NEGR1: variants seen among roughly 807,000 people sequenced by gnomAD.
The protein encoded by NEGR1 is IgLON family member 4.
Under a neutral mutation model 40.9 loss-of-function variants are expected in NEGR1, and 10 were observed. The ratio of observed to expected loss-of-function variants is 0.24; its 90% confidence interval spans 0.15 to 0.42. The LOEUF is 0.42. NEGR1 is among the 10% of genes least tolerant of loss of function. NEGR1 has a pLI of 1.00. For synonymous variants in NEGR1, 185 were observed against 166.8 expected (o/e 1.11, Z -0.84); for missense variants, 352 against 438.9 (o/e 0.80, Z 1.77).
At chr1:71,916,705 G>A (rs891376812) in intron 2 of NEGR1, among the ~76,000 whole-genome samples, 3 of 152,116 alleles carry the variant, frequency 2.0e-5, no homozygotes, top group African/African-American at 4.8e-5. Flanking sequence ...GAAGTGAGCC[G>A]AGATTGCACC....
At chr1:71,838,825 A>G (rs981483892) in intron 2 of NEGR1, among the ~76,000 whole-genome samples, 3 of 152,178 alleles carry the variant, frequency 2.0e-5, no homozygotes, top group Non-Finnish European at 1.5e-5. Flanking sequence ...CTGGAACTGC[A>G]AAGGCCAGTA....
At chr1:71,740,427 A>G (rs979839967) in intron 3 of NEGR1, among the ~76,000 whole-genome samples, 2 of 152,194 alleles carry the variant, frequency 1.3e-5, no homozygotes, top group Admixed American at 6.5e-5. Context: ...GTAGTAGTGG[A>G]ATTAAATATC....
At chr1:72,026,808 T>G (rs895654396) in intron 1 of NEGR1, among the ~76,000 whole-genome samples, 1 of 152,210 alleles carries the variant, frequency 6.6e-6, no homozygotes, top group African/African-American at 2.4e-5. Context: ...ATACATTATT[T>G]CTACCCTCTC....
rs139041081 is a variant in NEGR1, at chr1:71,993,377, G to A, written c.177-58066C>T. Among the ~76,000 whole-genome samples the A allele has an allele frequency of 6.4e-4, 97 of 152,250 alleles. 1 individual carries two copies. The South Asian group carries it at 0.012, about 19-fold the overall frequency. On this transcript the variant is annotated intron_variant, in intron 1 of 6. Coordinates refer to ENST00000357731, the MANE Select transcript of NEGR1 (RefSeq NM_173808.3). ...CAACTTTTAGCTGGAGTTAGCCACC[G>A]ACTGGCAGTGTAGGTAAGCCATTTA...
At position 71,397,904 on chromosome 1, in the gene NEGR1, G is replaced by C. The variant is rs1186935151; in HGVS notation, c.*9542C>G. 6.6e-6 allele frequency: 1 copy of C among 152,280 alleles called. No homozygotes were observed. Among genetic ancestry groups the C allele is most frequent in the African/African-American group, 2.4e-5 (1 of 41,450 alleles). The allele number at this position is 152,280 out of a possible 1,614,324, so 9.4% of individuals were successfully genotyped here. A position where few individuals can be genotyped will look rare whatever the true frequency, so the allele number is the denominator to read the frequency against. Reference sequence around the variant, plus strand: ...GCCCAGGGTCCCTCTGCTATGTGCAGTCTAGGAACTTGGTGCTCTGCCTCC... The same window carrying C: ...GCCCAGGGTCCCTCTGCTATGTGCACTCTAGGAACTTGGTGCTCTGCCTCC... On this transcript the variant is annotated 3_prime_UTR_variant, in exon 7 of 7. Transcript: ENST00000357731.
chr1:72,134,450 C>T (rs766121138), intron 1 of NEGR1, among the ~76,000 whole-genome samples: 10 of 151,864 alleles, frequency 6.6e-5, no homozygotes, highest in African/African-American at 1.5e-4. Flanking sequence ...ATATTCCACC[C>T]GCCTCGGCCT....
chr1:72,238,234 G>A (rs1253387794), intron 1 of NEGR1, among the ~76,000 whole-genome samples: 1 of 151,772 alleles, frequency 6.6e-6, no homozygotes, highest in Non-Finnish European at 1.5e-5. Context: ...ACTGTGATGA[G>A]TGTTAACAAT....
intron 4 of NEGR1, among the ~76,000 whole-genome samples, chr1:71,683,108 G>A (rs543449493): frequency 2.0e-5 from 3 of 152,140 alleles, no homozygotes; most frequent in African/African-American, 4.8e-5. Flanking sequence ...TGGGTAAGTT[G>A]AGGTTATAGG....
chr1:72,008,921 G>A (rs1570603300), intron 1 of NEGR1, among the ~76,000 whole-genome samples: 1 of 151,114 alleles, frequency 6.6e-6, no homozygotes, highest in African/African-American at 2.4e-5. Context: ...AAGTCAAAAA[G>A]CTTCCATTAA....
intron 3 of NEGR1, among the ~76,000 whole-genome samples, chr1:71,724,732 T>A (rs1416846716): frequency 1.3e-5 from 2 of 152,180 alleles, no homozygotes; most frequent in African/African-American, 4.8e-5. Context: ...GGCACAGTTA[T>A]GTTTACATCT....
intron 6 of NEGR1, among the ~76,000 whole-genome samples, chr1:71,546,178 C>A (rs1473353038): frequency 6.6e-6 from 1 of 151,708 alleles, no homozygotes; most frequent in South Asian, 2.1e-4. Flanking sequence ...TTTGATCCAA[C>A]CTTCTTTGAA....
intron 2 of NEGR1, among the ~76,000 whole-genome samples, chr1:71,799,291 G>A (rs1031422795): frequency 1.3e-5 from 2 of 152,030 alleles, no homozygotes; most frequent in African/African-American, 2.4e-5. Flanking sequence ...GAGACCACAC[G>A]GTGTTTGGTT....
chr1:71,788,217 T>C (rs1340581350), intron 2 of NEGR1, among the ~76,000 whole-genome samples: 2 of 152,150 alleles, frequency 1.3e-5, no homozygotes. Flanking sequence ...TGCCAAGAGA[T>C]AGCAGAGTCC....
chr1:71,945,393 G>A (rs906076473), intron 1 of NEGR1, among the ~76,000 whole-genome samples: 34 of 152,094 alleles, frequency 2.2e-4, no homozygotes, highest in African/African-American at 8.2e-4. Context: ...ACTACTGCCA[G>A]TAATAACAAT....
At chr1:71,888,436 G>A (rs980576980) in intron 2 of NEGR1, among the ~76,000 whole-genome samples, 8 of 151,904 alleles carry the variant, frequency 5.3e-5, no homozygotes, top group East Asian at 2.0e-4. Context: ...TTCCCTTTCC[G>A]AGTCAAAGAA....
intron 2 of NEGR1, among the ~76,000 whole-genome samples, chr1:71,810,946 A>T (rs1657979995): frequency 6.6e-6 from 1 of 152,160 alleles, no homozygotes; most frequent in Admixed American, 6.6e-5. Context: ...GGACTAATGG[A>T]TCTGTTAATT....
intron 2 of NEGR1, among the ~76,000 whole-genome samples, chr1:71,883,495 AAGAGAT>A (rs1457582232): frequency 6.6e-6 from 1 of 152,192 alleles, no homozygotes; most frequent in Non-Finnish European, 1.5e-5. Flanking sequence ...ACCATTTGAG[AAGAGAT>A]AGAGTCTAAT....
intron 3 of NEGR1, among the ~76,000 whole-genome samples, chr1:71,767,059 T>A (rs1656158889): frequency 6.6e-6 from 1 of 152,206 alleles, no homozygotes; most frequent in South Asian, 2.1e-4. Context: ...CGGGTATTTC[T>A]TTATAGCAGT....
Position 71,844,760 on chromosome 1 carries a change from G to A in NEGR1, c.410-68463C>T, listed in dbSNP as rs376534284. Among the ~76,000 whole-genome samples, 30 of 152,296 alleles carry A rather than the reference G, an allele frequency of 2.0e-4. No individual in the cohort carries two copies. The East Asian group carries it at 4.8e-3, about 25-fold the overall frequency. On this transcript the variant is annotated intron_variant, in intron 2 of 6. Coordinates refer to ENST00000357731, the MANE Select transcript of NEGR1 (RefSeq NM_173808.3). ...AGGGTGACTTCAGTAGAAGAGAGAAGCAAAGAGTTTGGAGATTAAAGGAAT... is the reference window on the plus strand; with the variant it reads ...AGGGTGACTTCAGTAGAAGAGAGAAACAAAGAGTTTGGAGATTAAAGGAAT...
Sources: gnomAD v4.1 joint callset for allele counts (sites outside exome capture counted in the v4.1 genomes callset) on GRCh38, gnomAD v4.1.1 for gene constraint, MANE v1.5 for transcripts, NCBI Gene and HGNC (gene_info 2026-07-23, HGNC 2026-07-21) for gene names.